Variants in ZNF507 observed in about 807,000 individuals in gnomAD.
The protein encoded by ZNF507 is zinc finger protein 507.
ZNF507 carries 29 observed loss-of-function variants against 80.0 expected under a neutral mutation model. The observed-to-expected ratio is 0.36, with a 90% confidence interval of 0.27 to 0.49. The LOEUF is 0.49. Ranked by LOEUF, ZNF507 falls within the 20% of genes least tolerant of loss-of-function variation. ZNF507 has a pLI of 0.98. For synonymous variants in ZNF507, 462 were observed against 422.5 expected (o/e 1.09, Z -1.15); for missense variants, 1,081 against 1,152.2 (o/e 0.94, Z 0.90).
chr19:32,387,025 G>A lies in ZNF507; in HGVS notation c.*3942G>A, dbSNP rs952761453. ...GCTGACTAGCATTAGACTGTTACAC[G>A]AAGATAAACTGAATAAGCATTTAGC... On this transcript the variant is annotated 3_prime_UTR_variant, in exon 7 of 7. Coordinates refer to ENST00000355898, the MANE Select transcript of ZNF507 (RefSeq NM_001136156.2). 1 of 152,142 alleles carries A rather than the reference G, an allele frequency of 6.6e-6. No homozygotes were observed. Among genetic ancestry groups the A allele is most frequent in the Non-Finnish European group, 1.5e-5 (1 of 68,018 alleles). 9.4% of individuals were successfully genotyped at this position (152,142 alleles called of 1,614,324 possible).
At chr19:32,371,034 T>A (rs1054818468) in intron 5 of ZNF507, among the ~76,000 whole-genome samples, 1 of 152,234 alleles carries the variant, frequency 6.6e-6, no homozygotes, top group African/African-American at 2.4e-5. Context: ...ATTCATTGAC[T>A]GTGTATTTTT....
At chr19:32,379,999 T>C (rs1967603241) in intron 5 of ZNF507, among the ~76,000 whole-genome samples, 1 of 152,152 alleles carries the variant, frequency 6.6e-6, no homozygotes, top group Non-Finnish European at 1.5e-5. Context: ...GCCAAATTGC[T>C]CTTCAGAGTG....
chr19:32,375,388 A>G (rs1463426302), intron 5 of ZNF507, among the ~76,000 whole-genome samples: 1 of 152,234 alleles, frequency 6.6e-6, no homozygotes, highest in Non-Finnish European at 1.5e-5. Context: ...CCAGTTCACA[A>G]GAAACATGAA....
chr19:32,365,927 A>G (rs1967392481), intron 5 of ZNF507, among the ~76,000 whole-genome samples: 1 of 152,240 alleles, frequency 6.6e-6, no homozygotes, highest in Non-Finnish European at 1.5e-5. Context: ...CTTCCCATCT[A>G]TAAAATGGGT....
chr19:32,362,416 A>G (rs184661172), intron 5 of ZNF507, among the ~76,000 whole-genome samples: 1 of 152,324 alleles, frequency 6.6e-6, no homozygotes, highest in African/African-American at 2.4e-5. Context: ...TCTTTCATTC[A>G]TGGAGAAATA....
intron 3 of ZNF507, among the ~76,000 whole-genome samples, chr19:32,356,151 A>T (rs1315005265): frequency 2.0e-5 from 3 of 152,218 alleles, no homozygotes. Flanking sequence ...TGAGCTCTTG[A>T]TTCATGGGAA....
At chr19:32,370,879 T>C (rs984232203) in intron 5 of ZNF507, among the ~76,000 whole-genome samples, 1 of 152,234 alleles carries the variant, frequency 6.6e-6, no homozygotes, top group African/African-American at 2.4e-5. Context: ...TCAGCTATTT[T>C]ACCCATTTTG....
intron 1 of ZNF507, among the ~76,000 whole-genome samples, 179 bp from the exon 2 acceptor site, chr19:32,347,066 G>A (rs1262866043): frequency 6.6e-6 from 1 of 152,046 alleles, no homozygotes; most frequent in Non-Finnish European, 1.5e-5. Context: ...TCCTCAAGTC[G>A]GCTTGTTAGA....
chr19:32,378,694 T>C (rs547134065), intron 5 of ZNF507, among the ~76,000 whole-genome samples: 1 of 152,100 alleles, frequency 6.6e-6, no homozygotes, highest in Non-Finnish European at 1.5e-5. Context: ...ATCACTCTTA[T>C]TTTTAAAAGG....
rs1328623008 is a variant in ZNF507 at position 32,386,452 on chromosome 19, C to T, written c.*3369C>T. 2 of 152,412 alleles carry T rather than the reference C, an allele frequency of 1.3e-5. No individual in the cohort carries two copies. Among genetic ancestry groups the T allele is most frequent in the South Asian group, 2.1e-4 (1 of 4,818 alleles). The allele number at this position is 152,412 out of a possible 1,614,324, so 9.4% of individuals were successfully genotyped here. A position where few individuals can be genotyped will look rare whatever the true frequency, so the allele number is the denominator to read the frequency against. On this transcript the variant is annotated 3_prime_UTR_variant, in exon 7 of 7. Coordinates refer to ENST00000355898, the MANE Select transcript of ZNF507 (RefSeq NM_001136156.2). ...ATAAAATATATTTAATAGAAATTTGCGTTTGATATTCATGAACATGAATAC... is the reference window on the plus strand; with the variant it reads ...ATAAAATATATTTAATAGAAATTTGTGTTTGATATTCATGAACATGAATAC...
chr19:32,346,022 T>G (rs535564965), intron 1 of ZNF507, among the ~76,000 whole-genome samples: 25 of 152,324 alleles, frequency 1.6e-4, no homozygotes, highest in Non-Finnish European at 2.6e-4. Context: ...CCCTGCATAC[T>G]GTCACCAGCC....
In ZNF507 at chr19:32,357,040, A is replaced by C. The variant is rs1341198061; in HGVS notation, c.2245+307A>C. 5 of 242,720 alleles carry C rather than the reference A, an allele frequency of 2.1e-5. No individual in the cohort carries two copies. In the South Asian group the frequency reaches 3.4e-4, roughly 16 times the overall value. The allele number at this position is 242,720 out of a possible 1,614,324, so 15.0% of individuals were successfully genotyped here. ...GCAAGCCAGAAAAGCTACAACATGG[A>C]AAACAGGCCTCCCCTCCCTCTCTCG... On this transcript the variant is annotated intron_variant, in intron 4 of 6. Transcript: ENST00000355898.
rs904168012 is a variant in ZNF507 at position 32,387,135 on chromosome 19, G to C, written c.*4052G>C. 6.6e-6 allele frequency: 1 copy of C among 152,060 alleles called. No individual in the cohort carries two copies. The allele number at this position is 152,060 out of a possible 1,614,324, so 9.4% of individuals were successfully genotyped here. On this transcript the variant is annotated 3_prime_UTR_variant, in exon 7 of 7. Transcript: ENST00000355898. ...TCAGTTTCTCTTCCAAATGTGACAC[G>C]CTTATATGCTTTCAATTCTGATATA... is the stretch of plus-strand genomic sequence containing the variant.
chr19:32,353,963 T>A lies in ZNF507; in HGVS notation c.1133T>A (p.Leu378His), dbSNP rs139421096. 6.2e-7 allele frequency: 1 copy of A among 1,614,056 alleles called. No individual in the cohort carries two copies. The highest frequency in any genetic ancestry group is 1.3e-5 in the African/African-American group (1 of 74,942). Residue 378 changes from leucine (L) to histidine (H), a missense_variant, in exon 3 of 7, where the codon CTT becomes CAT. By Grantham distance (99) the Leu-to-His change is moderately conservative. Around this residue, in one of 6 missense-constraint regions of ZNF507, gnomAD observed 614 missense variants for 583.9 expected, o/e 1.05. Coordinates refer to ENST00000355898, the MANE Select transcript of ZNF507 (RefSeq NM_001136156.2). ...GAGAATCTGATTCCTGATAGCCTGC[T>A]TACATCAGCACAGAAAATCATCAGC... ...AEENLIPDSL[L>H]TSAQKIISSS...
intron 5 of ZNF507, among the ~76,000 whole-genome samples, chr19:32,365,336 T>C (rs1477332058): frequency 6.6e-6 from 1 of 152,228 alleles, no homozygotes; most frequent in Non-Finnish European, 1.5e-5. Flanking sequence ...CCAAAGCTCT[T>C]TAATTAGATA....
At chr19:32,351,505 GTA>G (rs1259633257) in intron 2 of ZNF507, among the ~76,000 whole-genome samples, 1 of 107,090 alleles carries the variant, frequency 9.3e-6, no homozygotes, top group African/African-American at 3.5e-5. Context: ...TTGTGTTTGT[GTA>G]TATGTGTGTG....
intron 5 of ZNF507, among the ~76,000 whole-genome samples, chr19:32,365,986 A>T (rs948563054): frequency 5.3e-5 from 8 of 152,334 alleles, no homozygotes; most frequent in Middle Eastern, 3.4e-3. Flanking sequence ...TTGAAAATAA[A>T]TGTGTAGTGG....
chr19:32,368,527 G>A (rs1429725773), intron 5 of ZNF507, among the ~76,000 whole-genome samples: 1 of 152,188 alleles, frequency 6.6e-6, no homozygotes, highest in East Asian at 1.9e-4. Flanking sequence ...ACTTCCACCA[G>A]AGTTACAGGC....
intron 5 of ZNF507, among the ~76,000 whole-genome samples, chr19:32,361,472 A>T (rs1018007042): frequency 6.6e-6 from 1 of 152,188 alleles, no homozygotes; most frequent in African/African-American, 2.4e-5. Flanking sequence ...GTTTAATCCC[A>T]AAGTGTGGTG....
Sources: allele counts gnomAD v4.1 joint callset (sites outside exome capture counted in the v4.1 genomes callset), GRCh38; gene constraint gnomAD v4.1.1; regional missense constraint gnomAD v4.1.1; transcripts MANE v1.5; gene names NCBI Gene and HGNC (gene_info 2026-07-23, HGNC 2026-07-21).